TPST2: variants seen among roughly 807,000 people sequenced by gnomAD.
The protein encoded by TPST2 is protein-tyrosine sulfotransferase 2.
Under a neutral mutation model 27.8 loss-of-function variants are expected in TPST2, and 16 were observed. The ratio of observed to expected loss-of-function variants is 0.58; its 90% CI spans 0.39 to 0.88. TPST2 has a LOEUF of 0.88. Ranked by LOEUF, TPST2 falls within the 40% of genes least tolerant of loss-of-function variation. The pLI is 0.00. For missense variants in TPST2, 464 were observed against 543.1 expected (o/e 0.85, Z 1.45); for synonymous variants, 229 against 231.7 (o/e 0.99, Z 0.10).
At chr22:26,571,824 A>C (rs752571257) in intron 1 of TPST2, among the ~76,000 whole-genome samples, 1 of 152,156 alleles carries the variant, frequency 6.6e-6, no homozygotes, top group African/African-American at 2.4e-5. Context: ...CCCCTGATCC[A>C]ATCACCACTG....
chr22:26,583,971 C>T (rs1928234028), intron 1 of TPST2, among the ~76,000 whole-genome samples: 1 of 152,260 alleles, frequency 6.6e-6, no homozygotes, highest in Non-Finnish European at 1.5e-5. Flanking sequence ...ACCACAGTGA[C>T]TGGGAGAGTC....
At chr22:26,556,355 A>G (rs1926792679) in intron 1 of TPST2, among the ~76,000 whole-genome samples, 1 of 152,152 alleles carries the variant, frequency 6.6e-6, no homozygotes, top group South Asian at 2.1e-4. Context: ...CCTGGCCAAC[A>G]TGGTGAAACC....
chr22:26,585,620 G>A (rs1356399436), intron 1 of TPST2, among the ~76,000 whole-genome samples: 4 of 152,252 alleles, frequency 2.6e-5, no homozygotes, highest in South Asian at 2.1e-4. Flanking sequence ...AGCTTCCCTG[G>A]TGCCACGTGG....
At chr22:26,532,574 C>G in intron 5 of TPST2, 121 bp downstream of exon 5, 1 of 1,120,404 alleles carries the variant, frequency 8.9e-7, no homozygotes, top group Non-Finnish European at 1.3e-6. Context: ...GCTCACATCC[C>G]CCTTTTTATA....
intron 1 of TPST2, among the ~76,000 whole-genome samples, chr22:26,564,858 T>G (rs1411708327): frequency 6.6e-6 from 1 of 152,126 alleles, no homozygotes; most frequent in African/African-American, 2.4e-5. Context: ...TCAGCATTAC[T>G]CATCTGAATT....
chr22:26,534,581 C>T (rs4149481), intron 4 of TPST2, among the ~76,000 whole-genome samples: 1 of 152,134 alleles, frequency 6.6e-6, no homozygotes, highest in African/African-American at 2.4e-5. Context: ...CCAGGGGCAG[C>T]GAGCCACCTT....
At chr22:26,551,424 T>C (rs1354192967) in intron 1 of TPST2, among the ~76,000 whole-genome samples, 2 of 152,150 alleles carry the variant, frequency 1.3e-5, no homozygotes, top group East Asian at 3.9e-4. Context: ...CCTCCCTTAT[T>C]AACCATCCAT....
chr22:26,561,072 A>G, intron 1 of TPST2: 1 of 1,598,584 alleles, frequency 6.3e-7, no homozygotes, highest in Non-Finnish European at 8.5e-7. Context: ...AAAAAGCAAG[A>G]AAAAGAAGGA....
chr22:26,586,873 A>T (rs1248407988), intron 1 of TPST2, among the ~76,000 whole-genome samples: 1 of 152,178 alleles, frequency 6.6e-6, no homozygotes, highest in Non-Finnish European at 1.5e-5. Flanking sequence ...TGAAGCAAAG[A>T]GTGTGAAGGA....
intron 1 of TPST2, among the ~76,000 whole-genome samples, chr22:26,576,822 C>T (rs567023536): frequency 1.6e-4 from 24 of 151,598 alleles, no homozygotes; most frequent in South Asian, 4.2e-4. Flanking sequence ...AAAGGCCGGG[C>T]GCGGTGGCTC....
chr22:26,579,606 A>G (rs573959801), intron 1 of TPST2, among the ~76,000 whole-genome samples: 1 of 152,350 alleles, frequency 6.6e-6, no homozygotes, highest in South Asian at 2.1e-4. Context: ...GGGCTCTGCA[A>G]GGGTCCGGAT....
chr22:26,536,282 A>T lies in TPST2; in HGVS notation c.1041+6T>A. Reference sequence around the variant, plus strand: ...TACACTTCCACAAGTACAGGTGCACACTCACCCGCTGTGTGTTGTTGATGA... The same window carrying T: ...TACACTTCCACAAGTACAGGTGCACTCTCACCCGCTGTGTGTTGTTGATGA... On this transcript the variant is annotated splice_donor_region_variant and intron_variant, in intron 4 of 6. Transcript: ENST00000338754. The T allele has an allele frequency of 6.2e-7, 1 of 1,613,810 alleles. No homozygotes were observed. The highest frequency in any genetic ancestry group is 8.5e-7 in the Non-Finnish European group (1 of 1,179,942).
Position 26,523,572 on chromosome 22 carries a change from T to C in TPST2, c.*2703A>G, listed in dbSNP as rs1361813090. ...AGGGGCTAGAAACAGAAATTGTATT[T>C]ATTTTATTTTGTTTTATTTATTTTA... On this transcript the variant is annotated 3_prime_UTR_variant, in exon 7 of 7. Coordinates refer to ENST00000338754, the MANE Select transcript of TPST2 (RefSeq NM_003595.5). 1 of 152,122 alleles carries C rather than the reference T, an allele frequency of 6.6e-6. No individual in the cohort carries two copies. The highest frequency in any genetic ancestry group is 2.4e-5 in the African/African-American group (1 of 41,420). 9.4% of individuals were successfully genotyped at this position (152,122 alleles called of 1,614,324 possible).
intron 1 of TPST2, among the ~76,000 whole-genome samples, chr22:26,545,633 C>G (rs1378720746): frequency 6.6e-6 from 1 of 152,204 alleles, no homozygotes; most frequent in East Asian, 1.9e-4. Context: ...AACCTCCCAC[C>G]TGTCAGTCCT....
intron 1 of TPST2, among the ~76,000 whole-genome samples, chr22:26,546,047 A>G (rs1053359432): frequency 4.6e-5 from 7 of 150,960 alleles, no homozygotes; most frequent in African/African-American, 1.7e-4. Context: ...ACTGCACTAC[A>G]GTCTGGGCAA....
intron 1 of TPST2, among the ~76,000 whole-genome samples, chr22:26,548,531 C>T (rs1462075074): frequency 4.1e-5 from 1 of 24,442 alleles, no homozygotes; most frequent in Non-Finnish European, 8.0e-5. Flanking sequence ...AGAAGAAAAG[C>T]AAGGAAGGAG....
chr22:26,532,784 G>C, intron 4 of TPST2, 39 bp from the exon 5 acceptor site: 1 of 1,598,900 alleles, frequency 6.3e-7, no homozygotes, highest in South Asian at 1.1e-5. Context: ...TTATGAAAAT[G>C]GCCAAAAAAT....
At chr22:26,533,192 A>G (rs1925264406) in intron 4 of TPST2, among the ~76,000 whole-genome samples, 1 of 152,158 alleles carries the variant, frequency 6.6e-6, no homozygotes, top group Non-Finnish European at 1.5e-5. Flanking sequence ...AGGCAGGAGG[A>G]TCACTTGAGT....
intron 1 of TPST2, among the ~76,000 whole-genome samples, chr22:26,563,910 G>A (rs1001538651): frequency 1.6e-4 from 24 of 152,118 alleles, no homozygotes; most frequent in Non-Finnish European, 2.9e-4. Flanking sequence ...TGCACAATAC[G>A]ATTTGAGAAG....
Sources: gnomAD v4.1 joint callset for allele counts (sites outside exome capture counted in the v4.1 genomes callset) on GRCh38, gnomAD v4.1.1 for gene constraint, MANE v1.5 for transcripts, NCBI Gene and HGNC (gene_info 2026-07-23, HGNC 2026-07-21) for gene names.